RGL1: variants seen among roughly 807,000 people sequenced by gnomAD.
RGL1 encodes the protein ral guanine nucleotide dissociation stimulator like 1.
RGL1 carries 24 observed loss-of-function variants against 95.2 expected under a neutral mutation model. The ratio of observed to expected loss-of-function variants is 0.25; its 90% CI spans 0.18 to 0.35. The LOEUF is 0.35. RGL1 is among the 10% of genes least tolerant of loss of function. RGL1 has a pLI of 1.00. For missense variants in RGL1, 715 were observed against 936.3 expected (o/e 0.76, Z 3.08); for synonymous variants, 329 against 344.9 (o/e 0.95, Z 0.51).
chr1:183,773,361 A>G (rs1659403623), intron 2 of RGL1, among the ~76,000 whole-genome samples: 2 of 152,184 alleles, frequency 1.3e-5, no homozygotes, highest in Non-Finnish European at 2.9e-5. Flanking sequence ...TTCAATTTAT[A>G]CCACTGCAAT....
intron 11 of RGL1, 64 bp downstream of exon 11, chr1:183,900,300 G>C: frequency 7.7e-7 from 1 of 1,293,392 alleles, no homozygotes; most frequent in South Asian, 1.2e-5. Context: ...CTAAAGAGTA[G>C]TTAACTTCTC....
intron 8 of RGL1, among the ~76,000 whole-genome samples, chr1:183,891,733 GTTTTTTTTTTTTT>G (rs57974956): frequency 0.29 from 36,403 of 124,298 alleles, 5,015 homozygotes; most frequent in East Asian, 0.46. Context: ...GTGTGTAACA[GTTTTTTTTTTTTT>G]TTTTTTTTTT....
intron 15 of RGL1, among the ~76,000 whole-genome samples, chr1:183,912,630 A>G (rs1668714285): frequency 6.6e-6 from 1 of 152,208 alleles, no homozygotes; most frequent in Non-Finnish European, 1.5e-5. Flanking sequence ...TATCACAATA[A>G]TGTTGCATTG....
At chr1:183,830,172 G>A (rs1257410503) in intron 2 of RGL1, among the ~76,000 whole-genome samples, 2 of 152,122 alleles carry the variant, frequency 1.3e-5, no homozygotes, top group African/African-American at 2.4e-5. Flanking sequence ...TGCAGTGAGT[G>A]GGCCTTTTTA....
chr1:183,669,504 C>A (rs888707193), intron 1 of RGL1, among the ~76,000 whole-genome samples: 4 of 152,208 alleles, frequency 2.6e-5, no homozygotes, highest in Non-Finnish European at 5.9e-5. Context: ...ATATGCGATT[C>A]TGTCCAGATA....
At chr1:183,807,538 G>A (rs1572437605) in intron 2 of RGL1, among the ~76,000 whole-genome samples, 2 of 152,236 alleles carry the variant, frequency 1.3e-5, no homozygotes, top group African/African-American at 2.4e-5. Context: ...AAGAGTAGTG[G>A]TAACGTGTGA....
chr1:183,902,435 G>T (rs1668082633), intron 11 of RGL1, 133 bp from the exon 12 acceptor site: 4 of 601,648 alleles, frequency 6.6e-6, no homozygotes, highest in Non-Finnish European at 1.1e-5. Context: ...TTCCACAGTA[G>T]TCGTAATTAT....
intron 1 of RGL1, among the ~76,000 whole-genome samples, chr1:183,707,972 G>C (rs535222605): frequency 1.3e-5 from 2 of 152,164 alleles, no homozygotes; most frequent in Non-Finnish European, 2.9e-5. Context: ...GTTGTGATCT[G>C]AGTGCAAAAA....
intron 2 of RGL1, among the ~76,000 whole-genome samples, chr1:183,836,337 G>A (rs1413059008): frequency 6.6e-6 from 1 of 151,796 alleles, no homozygotes; most frequent in Non-Finnish European, 1.5e-5. Flanking sequence ...TGCTACCTCC[G>A]CCTCTTGGGT....
chr1:183,805,997 T>TTTTTTTTTTTTTTTTTTTTTC (rs1661303439), intron 1 of RGL1, among the ~76,000 whole-genome samples: 55 of 80,540 alleles, frequency 6.8e-4, no homozygotes, highest in Non-Finnish European at 1.1e-3. Context: ...TTTTTTTTTT[T>TTTTTTTTTTTTTTTTTTTTTC]TTTTTTTTTT....
Position 183,907,053 on chromosome 1 carries a change from G to A in RGL1, c.1514G>A (p.Ser505Asn), listed in dbSNP as rs751720711. Residue 505 changes from serine (S) to asparagine (N), a missense_variant, in exon 14 of 18, where the codon AGC (serine) becomes AAC (asparagine). Coordinates refer to ENST00000360851, the MANE Select transcript of RGL1 (RefSeq NM_001297671.3). ...GAGATTGAAGCAGCTGCTGACGCCA[G>A]CACCACCTCGCCCAAGCCTCGGAAG... The part of the protein sequence containing the change: ...SCEIEAAADA[S>N]TTSPKPRKSM... 2 of 1,612,496 alleles carry A rather than the reference G, an allele frequency of 1.2e-6. No individual in the cohort carries two copies. The highest frequency in any genetic ancestry group is 1.1e-5 in the South Asian group (1 of 90,822).
intron 1 of RGL1, chr1:183,646,544 G>C (rs1320919086): frequency 2.0e-5 from 3 of 152,138 alleles, no homozygotes; most frequent in Admixed American, 2.0e-4. Flanking sequence ...CATAAGCAAA[G>C]TGCTTTCATT....
intron 2 of RGL1, among the ~76,000 whole-genome samples, chr1:183,846,129 A>T (rs1021420320): frequency 1.4e-4 from 22 of 152,346 alleles, no homozygotes; most frequent in African/African-American, 5.3e-4. Context: ...AATAGCAAAG[A>T]CTTGGAACCA....
At chr1:183,761,829 T>G (rs1474555712) in intron 2 of RGL1, among the ~76,000 whole-genome samples, 1 of 152,236 alleles carries the variant, frequency 6.6e-6, no homozygotes, top group African/African-American at 2.4e-5. Flanking sequence ...TCTGGATAAC[T>G]TTCTCTTGCT....
chr1:183,854,689 G>T (rs75433519), intron 3 of RGL1, among the ~76,000 whole-genome samples: 3,340 of 151,976 alleles, frequency 0.022, 110 homozygotes, highest in African/African-American at 0.071. Flanking sequence ...CAGATTTAAG[G>T]CATATAGTAT....
chr1:183,918,077 G>A (rs1669091102), intron 16 of RGL1, among the ~76,000 whole-genome samples: 1 of 152,186 alleles, frequency 6.6e-6, no homozygotes, highest in African/African-American at 2.4e-5. Flanking sequence ...TTACTGTTGT[G>A]GAGGACTAGA....
intron 1 of RGL1, among the ~76,000 whole-genome samples, chr1:183,691,650 G>A (rs1172397947): frequency 6.6e-6 from 1 of 152,150 alleles, no homozygotes; most frequent in Non-Finnish European, 1.5e-5. Context: ...AGTTAAAGAA[G>A]ATAGTAATGT....
chr1:183,903,610 G>A (rs7523022), intron 12 of RGL1, among the ~76,000 whole-genome samples: 89,236 of 151,946 alleles, frequency 0.59, 26,254 homozygotes, highest in African/African-American at 0.59. Context: ...GCCTGCCCTC[G>A]TAAAGTTCAC....
chr1:183,879,067 T>C (rs1462338989), intron 4 of RGL1, among the ~76,000 whole-genome samples: 3 of 152,226 alleles, frequency 2.0e-5, no homozygotes, highest in African/African-American at 7.2e-5. Context: ...TTGTTTATCA[T>C]TTCATTTAAT....
Sources: allele counts gnomAD v4.1 joint callset (sites outside exome capture counted in the v4.1 genomes callset), GRCh38; gene constraint gnomAD v4.1.1; transcripts MANE v1.5; gene names NCBI Gene and HGNC (gene_info 2026-07-23, HGNC 2026-07-21).